Variants in ARHGEF4 observed in about 807,000 individuals in gnomAD.
The protein encoded by ARHGEF4 is APC-stimulated guanine nucleotide exchange factor 1.
Under a neutral mutation model 162.0 loss-of-function variants are expected in ARHGEF4, and 119 were observed. The ratio of observed to expected loss-of-function variants is 0.73; its 90% CI spans 0.63 to 0.86. The LOEUF (loss-of-function observed/expected upper bound fraction) is 0.86. Ranked by LOEUF, ARHGEF4 falls within the 40% of genes least tolerant of loss-of-function variation. The probability of loss-of-function intolerance (pLI) is 0.00; values close to 1 mark genes in which losing one functional copy is unlikely to be tolerated. For missense variants in ARHGEF4, 2,488 were observed against 2,456.0 expected (o/e 1.01, Z -0.28); for synonymous variants, 1,014 against 979.9 (o/e 1.03, Z -0.65).
intron 4 of ARHGEF4, among the ~76,000 whole-genome samples, chr2:130,996,605 C>G (rs1687409103): frequency 6.6e-6 from 1 of 152,190 alleles, no homozygotes; most frequent in Non-Finnish European, 1.5e-5. Flanking sequence ...CACAAAAAAT[C>G]TAGTGTTGTA....
chr2:131,017,596 GA>G (rs1688850271), intron 4 of ARHGEF4, among the ~76,000 whole-genome samples: 1 of 152,148 alleles, frequency 6.6e-6, no homozygotes. Flanking sequence ...ACTCCTACAA[GA>G]AATCTGTTTT....
At chr2:130,854,563 C>G (rs1005981483) in intron 1 of ARHGEF4, among the ~76,000 whole-genome samples, 4 of 152,208 alleles carry the variant, frequency 2.6e-5, no homozygotes, top group Non-Finnish European at 5.9e-5. Context: ...GCTGAGAAGT[C>G]TGGGGATCAC....
At chr2:130,955,905 G>A (rs1191690551) in intron 4 of ARHGEF4, among the ~76,000 whole-genome samples, 1 of 152,088 alleles carries the variant, frequency 6.6e-6, no homozygotes, top group Non-Finnish European at 1.5e-5. Flanking sequence ...GCACCTTTAG[G>A]TTGCAGCTTC....
chr2:130,943,674 A>T (rs1160365899), intron 3 of ARHGEF4, among the ~76,000 whole-genome samples: 2 of 152,184 alleles, frequency 1.3e-5, no homozygotes, highest in Non-Finnish European at 2.9e-5. Context: ...GTATTTTCCC[A>T]CTTCGAGTGG....
Position 131,044,425 on chromosome 2 carries a change from C to T in ARHGEF4, c.5284C>T (p.His1762Tyr), listed in dbSNP as rs1307295936. ...HVSIKNAFRL[H>Y]RGATGDSHLL... Reference sequence around the variant, plus strand: ...GAGCATCAAGAACGCCTTCCGGCTGCACCGTGGCGCCACAGGGGACAGCCA... The same window carrying T: ...GAGCATCAAGAACGCCTTCCGGCTGTACCGTGGCGCCACAGGGGACAGCCA... Residue 1762 changes from histidine to tyrosine, a missense_variant, in exon 12 of 14, where the codon CAC becomes TAC. By Grantham distance (83) the His-to-Tyr change is moderately conservative (BLOSUM62 2). This residue lies in a region of ARHGEF4 where 415 missense variants were observed against 512.4 expected (regional missense o/e 0.81). Coordinates refer to ENST00000409359, the MANE Select transcript of ARHGEF4 (RefSeq NM_001367493.1). 3.8e-6 allele frequency: 6 copies of T among 1,567,020 alleles called. No individual in the cohort carries two copies. Among genetic ancestry groups the T allele is most frequent in the Non-Finnish European group, 3.5e-6 (4 of 1,155,872 alleles).
intron 4 of ARHGEF4, among the ~76,000 whole-genome samples, chr2:131,013,603 T>C (rs2105337588): frequency 6.6e-6 from 1 of 152,266 alleles, no homozygotes; most frequent in South Asian, 2.1e-4. Flanking sequence ...GATTGATTGA[T>C]TGATTGATTG....
chr2:130,980,511 A>C (rs1686051203), intron 4 of ARHGEF4, among the ~76,000 whole-genome samples: 1 of 152,254 alleles, frequency 6.6e-6, no homozygotes, highest in Non-Finnish European at 1.5e-5. Context: ...TAGTATGAGA[A>C]GTAATCTTTC....
At chr2:131,019,791 G>A (rs1050806338) in intron 4 of ARHGEF4, among the ~76,000 whole-genome samples, 6 of 151,936 alleles carry the variant, frequency 3.9e-5, no homozygotes, top group Admixed American at 6.6e-5. Context: ...CTGCCACCAC[G>A]GCCGGCTAAT....
chr2:130,995,651 C>T (rs1302578233), intron 4 of ARHGEF4, among the ~76,000 whole-genome samples: 1 of 152,162 alleles, frequency 6.6e-6, no homozygotes, highest in African/African-American at 2.4e-5. Context: ...TTTATATTTG[C>T]TTCTGCCAAG....
intron 3 of ARHGEF4, among the ~76,000 whole-genome samples, chr2:130,936,898 CTTTTTTCTTT>C (rs1682980470): frequency 1.9e-5 from 2 of 104,760 alleles, no homozygotes; most frequent in Non-Finnish European, 3.8e-5. Context: ...TTTTTTTTTT[CTTTTTTCTTT>C]TTTTTTTTTT....
chr2:130,931,330 C>T (rs1387510350), intron 3 of ARHGEF4, 73 bp downstream of exon 3: 8 of 1,453,740 alleles, frequency 5.5e-6, no homozygotes, highest in Non-Finnish European at 6.4e-6. Flanking sequence ...CCTGTTGCTT[C>T]CTGAGCTTTT....
intron 2 of ARHGEF4, among the ~76,000 whole-genome samples, chr2:130,928,595 C>T (rs891116720): frequency 3.3e-5 from 5 of 152,188 alleles, no homozygotes; most frequent in Admixed American, 2.6e-4. Flanking sequence ...GTCACACTTA[C>T]AAACTTTAAA....
intron 11 of ARHGEF4, among the ~76,000 whole-genome samples, chr2:131,044,020 T>C (rs1394886917): frequency 6.6e-6 from 1 of 152,114 alleles, no homozygotes; most frequent in Non-Finnish European, 1.5e-5. Flanking sequence ...CTTTCCTACG[T>C]GTGGTGTGAG....
Position 130,914,717 on chromosome 2 carries a change from C to A in ARHGEF4, c.771C>A (p.Gly257=). 1 of 1,407,674 alleles carries A rather than the reference C, an allele frequency of 7.1e-7. No individual in the cohort carries two copies. Among genetic ancestry groups the A allele is most frequent in the Non-Finnish European group, 9.2e-7 (1 of 1,087,264 alleles). The allele number at this position is 1,407,674 out of a possible 1,614,324, so 87.2% of individuals were successfully genotyped here. ...RARALVLPSR[G]PLDNTAPLGT... ...GGGCACTGGTGCTACCTAGCAGAGG[C>A]CCACTGGACAACACAGCCCCTCTGG... Residue 257 remains glycine (G), a synonymous_variant, in exon 2 of 14, where the codon GGC becomes GGA. Coordinates refer to ENST00000409359, the MANE Select transcript of ARHGEF4 (RefSeq NM_001367493.1).
At position 131,040,202 on chromosome 2, in the gene ARHGEF4, G is replaced by T. The variant is rs372799137; in HGVS notation, c.4482+10G>T. 18 of 1,608,812 alleles carry T rather than the reference G, an allele frequency of 1.1e-5. 2 individuals are homozygous for T. The African/African-American group carries it at 2.0e-4, about 18-fold the overall frequency. ...GCGCGACATCTGCGAGGTGAGGCCC[G>T]GCCGGCGGGCGGTGACTGGGGACCC... On this transcript the variant is annotated intron_variant, in intron 7 of 13. Transcript: ENST00000409359.
At chr2:130,996,022 T>C (rs1240797594) in intron 4 of ARHGEF4, among the ~76,000 whole-genome samples, 1 of 152,016 alleles carries the variant, frequency 6.6e-6, no homozygotes, top group African/African-American at 2.4e-5. Context: ...CCTGAGTAGC[T>C]GGGATTACAG....
Position 130,949,665 on chromosome 2 carries a change from C to T in ARHGEF4, c.3985+3030C>T, listed in dbSNP as rs372021258. ...CACCATGCCCGGCCTGTTTGTTTTT[C>T]GATGGGGTCTCGCTCTGTCGCCCAG... is the stretch of plus-strand genomic sequence containing the variant. On this transcript the variant is annotated intron_variant, in intron 4 of 13. Transcript: ENST00000409359. Among the ~76,000 whole-genome samples the T allele has an allele frequency of 4.7e-5, 7 of 149,230 alleles. No homozygotes were observed. In the East Asian group the frequency reaches 1.2e-3, roughly 26 times the overall value.
At chr2:130,985,082 AGAG>A (rs925594182) in intron 4 of ARHGEF4, among the ~76,000 whole-genome samples, 6 of 152,244 alleles carry the variant, frequency 3.9e-5, no homozygotes, top group African/African-American at 1.4e-4. Context: ...TCCCAAACTG[AGAG>A]GAGCAGATCC....
intron 1 of ARHGEF4, among the ~76,000 whole-genome samples, chr2:130,841,318 T>C (rs1574076500): frequency 1.3e-5 from 2 of 151,730 alleles, no homozygotes. Context: ...TCCGCCTTAG[T>C]CTCCCAAAGT....
Sources: allele counts gnomAD v4.1 joint callset (sites outside exome capture counted in the v4.1 genomes callset), GRCh38; gene constraint gnomAD v4.1.1; regional missense constraint gnomAD v4.1.1; transcripts MANE v1.5; gene names NCBI Gene and HGNC (gene_info 2026-07-23, HGNC 2026-07-21).